The following LHX5 variants were observed in gnomAD, a reference collection of about 807,000 sequenced individuals.
The protein encoded by LHX5 is LIM/homeobox protein Lhx5.
In LHX5, 5 loss-of-function variants were observed where a neutral mutation model predicts 30.6. The observed-to-expected ratio is 0.16, with a 90% CI of 0.09 to 0.34. The LOEUF (loss-of-function observed/expected upper bound fraction) is 0.34. Ranked by LOEUF, LHX5 falls within the 10% of genes least tolerant of loss-of-function variation. The pLI is 1.00. For synonymous variants in LHX5, 266 were observed against 252.6 expected (o/e 1.05, Z -0.50); for missense variants, 458 against 570.6 (o/e 0.80, Z 2.01).
rs1398241834 is a variant in LHX5 at position 113,471,806 on chromosome 12, TC to T, written c.-309del. 8.1e-6 allele frequency: 3 copies of T among 369,954 alleles called. No homozygotes were observed. The highest frequency in any genetic ancestry group is 1.4e-5 in the Non-Finnish European group (3 of 207,206). The allele number at this position is 369,954 out of a possible 1,614,324, so 22.9% of individuals were successfully genotyped here. A position where few individuals can be genotyped will look rare whatever the true frequency, so the allele number is the denominator to read the frequency against. ...TGGCCTCGGCGCTGCGGAGCGGCTTTCCCCGGTGGCGGAGGCGCCGGCACTT... is the reference window on the plus strand; with the variant it reads ...TGGCCTCGGCGCTGCGGAGCGGCTTTCCCGGTGGCGGAGGCGCCGGCACTT... On this transcript the variant is annotated 5_prime_UTR_variant, in exon 1 of 5. Coordinates refer to ENST00000261731, the MANE Select transcript of LHX5 (RefSeq NM_022363.3).
chr12:113,467,521 C>T lies in LHX5; in HGVS notation c.676-100G>A. On this transcript the variant is annotated intron_variant, in intron 3 of 4. Coordinates refer to ENST00000261731, the MANE Select transcript of LHX5 (RefSeq NM_022363.3). The surrounding 1 kb of genome is among the most constrained non-coding windows in gnomAD (Gnocchi z 6.3). The stretch of plus-strand genomic sequence containing the variant: ...GGCTGCCCCTGCTGGGTCCTTGCGC[C>T]TCTTCCGCACCAGGACTCCCCCGAG... 8.9e-7 allele frequency: 1 copy of T among 1,126,654 alleles called. No homozygotes were observed. The highest frequency in any genetic ancestry group is 1.2e-6 in the Non-Finnish European group (1 of 841,484). The allele number at this position is 1,126,654 out of a possible 1,614,324, so 69.8% of individuals were successfully genotyped here.
chr12:113,471,545 C>T lies in LHX5; in HGVS notation c.-47G>A, dbSNP rs766824952. 6.5e-7 allele frequency: 1 copy of T among 1,528,432 alleles called. No homozygotes were observed. Among genetic ancestry groups the T allele is most frequent in the Non-Finnish European group, 8.8e-7 (1 of 1,132,742 alleles). The allele number at this position is 1,528,432 out of a possible 1,614,324, so 94.7% of individuals were successfully genotyped here. A position where few individuals can be genotyped will look rare whatever the true frequency, so the allele number is the denominator to read the frequency against. On this transcript the variant is annotated 5_prime_UTR_variant, in exon 1 of 5. Transcript: ENST00000261731. ...CGGCCGCCTTGCCCTCCCTTTGGGC[C>T]CCTGGCCCTCGGGCCTGCCGGGCCC...
At chr12:113,471,262 C>T (rs1201065004) in intron 1 of LHX5, 64 bp downstream of exon 1, 4 of 1,563,788 alleles carry the variant, frequency 2.6e-6, no homozygotes, top group Non-Finnish European at 3.5e-6. Flanking sequence ...ATCCCCTTCC[C>T]CAGCGCCCCA....
At position 113,467,743 on chromosome 12, in the gene LHX5, C is replaced by T. The variant is rs34882322; in HGVS notation, c.676-322G>A. On this transcript the variant is annotated intron_variant, in intron 3 of 4. Coordinates refer to ENST00000261731, the MANE Select transcript of LHX5 (RefSeq NM_022363.3). This position sits in a 1 kb window ranked among gnomAD's most constrained non-coding sequence, Gnocchi z 6.3. The stretch of plus-strand genomic sequence containing the variant: ...TCGCCTCGGCCCCTCGGCTCCGGAG[C>T]CAGCCTCTGGCCGTTTGTCTGCCCG... Among the ~76,000 whole-genome samples, 3,065 of 152,294 alleles carry T rather than the reference C, an allele frequency of 0.02. 37 individuals are homozygous for T. Among genetic ancestry groups the T allele is most frequent in the South Asian group, 0.046 (221 of 4,830 alleles).
In LHX5 at chr12:113,463,689, G is replaced by A; in HGVS notation, c.842-132C>T. 1 of 935,016 alleles carries A rather than the reference G, an allele frequency of 1.1e-6. No homozygotes were observed. The highest frequency in any genetic ancestry group is 1.8e-5 in the South Asian group (1 of 56,650). The allele number at this position is 935,016 out of a possible 1,614,324, so 57.9% of individuals were successfully genotyped here. On this transcript the variant is annotated intron_variant, in intron 4 of 4. Coordinates refer to ENST00000261731, the MANE Select transcript of LHX5 (RefSeq NM_022363.3). This position sits in a 1 kb window ranked among gnomAD's most constrained non-coding sequence, Gnocchi z 6.7. ...CGCGACACCGACCCAAGGTTAGAGA[G>A]ACCTGCGGAGGCCGGCGCCCCTTGA... is the stretch of plus-strand genomic sequence containing the variant.
chr12:113,468,291 T>C lies in LHX5; in HGVS notation c.511A>G (p.Asn171Asp), dbSNP rs1400321879. 3 of 1,614,010 alleles carry C rather than the reference T, an allele frequency of 1.9e-6. No individual in the cohort carries two copies. Among genetic ancestry groups the C allele is most frequent in the Non-Finnish European group, 1.7e-6 (2 of 1,179,968 alleles). Residue 171 changes from asparagine to aspartate, a missense_variant, in exon 3 of 5, where the codon AAC (asparagine) becomes GAC (aspartate). Transcript: ENST00000261731. ...TTGGTGCCCGAGTTCTGCTCCTCGTTCTCGTTGTTGGCCGTCTCCTTGTCC... is the reference window on the plus strand; with the variant it reads ...TTGGTGCCCGAGTTCTGCTCCTCGTCCTCGTTGTTGGCCGTCTCCTTGTCC... Reference protein sequence around the residue: ...SSDKETANNENEEQNSGTKRR... With the variant: ...SSDKETANNEDEEQNSGTKRR...
chr12:113,468,374 G>A lies in LHX5; in HGVS notation c.428C>T (p.Pro143Leu). 1 of 1,613,884 alleles carries A rather than the reference G, an allele frequency of 6.2e-7. No homozygotes were observed. Among genetic ancestry groups the A allele is most frequent in the Non-Finnish European group, 8.5e-7 (1 of 1,179,856 alleles). ...VSSCTDRSLS[P>L]DLQDALQDDP... ...GTCCTGCAGTGCGTCCTGGAGGTCC[G>A]GGGACAAACTGCGGTCCGTACAGGA... The change falls in exon 3 of 5, where the codon CCG (proline) becomes CTG (leucine). Residue 143 changes from proline (P) to leucine (L), a missense_variant. Pro to Leu is a moderately conservative substitution (Grantham distance 98). Around this residue, in one of 3 missense-constraint regions of LHX5, gnomAD observed 178 missense variants for 238.5 expected, o/e 0.75. Transcript: ENST00000261731.
rs1387524845 is a variant in LHX5, at chr12:113,467,227, G to C, written c.841+29C>G. 7.1e-7 allele frequency: 1 copy of C among 1,414,556 alleles called. No homozygotes were observed. The highest frequency in any genetic ancestry group is 9.3e-7 in the Non-Finnish European group (1 of 1,072,464). The allele number at this position is 1,414,556 out of a possible 1,614,324, so 87.6% of individuals were successfully genotyped here. On this transcript the variant is annotated intron_variant, in intron 4 of 4. Coordinates refer to ENST00000261731, the MANE Select transcript of LHX5 (RefSeq NM_022363.3). This position sits in a 1 kb window ranked among gnomAD's most constrained non-coding sequence, Gnocchi z 6.3. ...TCAGCTCCCGGAATAGGACAGGTGC[G>C]GAACAGCGAATCCCGGGGCGCCCCT...
At position 113,466,516 on chromosome 12, in the gene LHX5, A is replaced by T. The variant is rs2136977513; in HGVS notation, c.841+740T>A. On this transcript the variant is annotated intron_variant, in intron 4 of 4. Coordinates refer to ENST00000261731, the MANE Select transcript of LHX5 (RefSeq NM_022363.3). This position sits in a 1 kb window ranked among gnomAD's most constrained non-coding sequence, Gnocchi z 6.5. ...TCTCTGCAGCCCCAAAGACGGTGGAAATCTGGGGTTGGCCCAACACTTGTG... is the reference window on the plus strand; with the variant it reads ...TCTCTGCAGCCCCAAAGACGGTGGATATCTGGGGTTGGCCCAACACTTGTG... Among the ~76,000 whole-genome samples, 1 of 152,280 alleles carries T rather than the reference A, an allele frequency of 6.6e-6. No individual in the cohort carries two copies. The highest frequency in any genetic ancestry group is 1.5e-5 in the Non-Finnish European group (1 of 68,018).
At position 113,463,817 on chromosome 12, in the gene LHX5, G is replaced by C. The variant is rs566277624; in HGVS notation, c.842-260C>G. Among the ~76,000 whole-genome samples, 6 of 152,274 alleles carry C rather than the reference G, an allele frequency of 3.9e-5. No homozygotes were observed. In the South Asian group the frequency reaches 8.3e-4, roughly 21 times the overall value. The stretch of plus-strand genomic sequence containing the variant: ...ACTGCCAGAGACCACACACAGAGAC[G>C]GGAGAGACTCCGAGACCGTGGGGGA... On this transcript the variant is annotated intron_variant, in intron 4 of 4. Coordinates refer to ENST00000261731, the MANE Select transcript of LHX5 (RefSeq NM_022363.3). The surrounding 1 kb of genome is among the most constrained non-coding windows in gnomAD (Gnocchi z 6.7).
Position 113,467,594 on chromosome 12 carries a change from C to T in LHX5, c.676-173G>A, listed in dbSNP as rs373149148. 2.0e-5 allele frequency among the ~76,000 whole-genome samples: 3 copies of T among 152,232 alleles called. No homozygotes were observed. The highest frequency in any genetic ancestry group is 1.9e-4 in the East Asian group (1 of 5,176). On this transcript the variant is annotated intron_variant, in intron 3 of 4. Transcript: ENST00000261731. This position sits in a 1 kb window ranked among gnomAD's most constrained non-coding sequence, Gnocchi z 6.3. ...CGGGAGGGGTGGAGAGAGGCTTCGG[C>T]GAACCAGCCAAGGGTGAAGGATTTC...
Position 113,462,928 on chromosome 12 carries a change from T to C in LHX5, c.*262A>G, listed in dbSNP as rs1430078450. 7 of 400,204 alleles carry C rather than the reference T, an allele frequency of 1.7e-5. No homozygotes were observed. Among genetic ancestry groups the C allele is most frequent in the Non-Finnish European group, 2.7e-5 (6 of 223,340 alleles). The allele number at this position is 400,204 out of a possible 1,614,324, so 24.8% of individuals were successfully genotyped here. A position where few individuals can be genotyped will look rare whatever the true frequency, so the allele number is the denominator to read the frequency against. On this transcript the variant is annotated 3_prime_UTR_variant, in exon 5 of 5. Coordinates refer to ENST00000261731, the MANE Select transcript of LHX5 (RefSeq NM_022363.3). ...TCTTGACCCTCCGGAGTATTGACTTTGGTCCCAAGAAATTGCTCGCGGTTG... is the reference window on the plus strand; with the variant it reads ...TCTTGACCCTCCGGAGTATTGACTTCGGTCCCAAGAAATTGCTCGCGGTTG...
Position 113,463,235 on chromosome 12 carries a change from G to T in LHX5, c.1164C>A (p.Pro388=), listed in dbSNP as rs1399128482. Residue 388 remains proline (P), a synonymous_variant, in exon 5 of 5, where the codon CCC becomes CCA. Coordinates refer to ENST00000261731, the MANE Select transcript of LHX5 (RefSeq NM_022363.3). The surrounding 1 kb of genome is among the most constrained non-coding windows in gnomAD (Gnocchi z 6.7). ...TGAGCTCGGGGTTGGGATGCGACAGGGGTCCGCTGTAGCCGCTGGTGCCGC... is the reference window on the plus strand; with the variant it reads ...TGAGCTCGGGGTTGGGATGCGACAGTGGTCCGCTGTAGCCGCTGGTGCCGC... ...PMSGTSGYSG[P]LSHPNPELNE... The T allele has an allele frequency of 5.9e-6, 9 of 1,526,512 alleles. No homozygotes were observed. The highest frequency in any genetic ancestry group is 1.2e-5 in the South Asian group (1 of 83,472). The allele number at this position is 1,526,512 out of a possible 1,614,324, so 94.6% of individuals were successfully genotyped here.
chr12:113,464,280 G>A lies in LHX5; in HGVS notation c.842-723C>T, dbSNP rs932119503. ...TCCCAGGAACCTCCAGAGAAGCGGAGGCTGACAGGCCCGGGGAGAGGAACC... is the reference window on the plus strand; with the variant it reads ...TCCCAGGAACCTCCAGAGAAGCGGAAGCTGACAGGCCCGGGGAGAGGAACC... On this transcript the variant is annotated intron_variant, in intron 4 of 4. Transcript: ENST00000261731. This position sits in a 1 kb window ranked among gnomAD's most constrained non-coding sequence, Gnocchi z 6.2. 3.9e-5 allele frequency among the ~76,000 whole-genome samples: 6 copies of A among 152,364 alleles called. 1 individual carries two copies. The highest frequency in any genetic ancestry group is 7.2e-5 in the African/African-American group (3 of 41,590).
rs1471736615 is a variant in LHX5 at position 113,464,055 on chromosome 12, A to G, written c.842-498T>C. On this transcript the variant is annotated intron_variant, in intron 4 of 4. Coordinates refer to ENST00000261731, the MANE Select transcript of LHX5 (RefSeq NM_022363.3). This position sits in a 1 kb window ranked among gnomAD's most constrained non-coding sequence, Gnocchi z 6.2. ...GCGGAAAAGAGACCCAGAGACGCGG[A>G]GTCCGCGGCTGAGACCCGAAAGCCC... 6.6e-6 allele frequency among the ~76,000 whole-genome samples: 1 copy of G among 152,150 alleles called. No homozygotes were observed. Among genetic ancestry groups the G allele is most frequent in the Admixed American group, 6.5e-5 (1 of 15,286 alleles).
Position 113,471,541 on chromosome 12 carries a change from G to T in LHX5, c.-43C>A. 4 of 1,544,100 alleles carry T rather than the reference G, an allele frequency of 2.6e-6. No homozygotes were observed. Among genetic ancestry groups the T allele is most frequent in the Non-Finnish European group, 3.5e-6 (4 of 1,143,364 alleles). On this transcript the variant is annotated 5_prime_UTR_variant, in exon 1 of 5. Transcript: ENST00000261731. ...GCTTCGGCCGCCTTGCCCTCCCTTT[G>T]GGCCCCTGGCCCTCGGGCCTGCCGG... is the stretch of plus-strand genomic sequence containing the variant.
At position 113,464,103 on chromosome 12, in the gene LHX5, G is replaced by C. The variant is rs565746850; in HGVS notation, c.842-546C>G. On this transcript the variant is annotated intron_variant, in intron 4 of 4. Transcript: ENST00000261731. The surrounding 1 kb of genome is among the most constrained non-coding windows in gnomAD (Gnocchi z 6.2). ...CCCGAGACATCGGAGGGTCGCGGAG[G>C]AGTCGAGGAGACGCAGAGAGAGGAA... is the stretch of plus-strand genomic sequence containing the variant. 1.2e-3 allele frequency among the ~76,000 whole-genome samples: 178 copies of C among 152,354 alleles called. 1 individual carries two copies. Among genetic ancestry groups the C allele is most frequent in the Non-Finnish European group, 2.1e-3 (141 of 68,034 alleles).
chr12:113,470,537 G>A (rs960050888), intron 1 of LHX5, among the ~76,000 whole-genome samples: 1 of 152,188 alleles, frequency 6.6e-6, no homozygotes, highest in African/African-American at 2.4e-5. Flanking sequence ...CGTGATTCAC[G>A]CCCCCATTCC....
rs145484604 is a variant in LHX5 at position 113,471,524 on chromosome 12, C to T, written c.-26G>A. 6.4e-6 allele frequency: 10 copies of T among 1,560,874 alleles called. No homozygotes were observed. The East Asian group carries it at 2.4e-4, about 37-fold the overall frequency. On this transcript the variant is annotated 5_prime_UTR_variant, in exon 1 of 5. Coordinates refer to ENST00000261731, the MANE Select transcript of LHX5 (RefSeq NM_022363.3). ...AGCCCCGCGCCCCGGCGGCTTCGGCCGCCTTGCCCTCCCTTTGGGCCCCTG... is the reference window on the plus strand; with the variant it reads ...AGCCCCGCGCCCCGGCGGCTTCGGCTGCCTTGCCCTCCCTTTGGGCCCCTG...
Sources: gnomAD v4.1 joint callset for allele counts (sites outside exome capture counted in the v4.1 genomes callset) on GRCh38, gnomAD v4.1.1 for gene constraint, gnomAD v4.1.1 regional missense constraint, Gnocchi (gnomAD v3.1) non-coding constraint, MANE v1.5 for transcripts, NCBI Gene and HGNC (gene_info 2026-07-23, HGNC 2026-07-21) for gene names.